TSHZ2: variants seen among roughly 807,000 people sequenced by gnomAD.
The protein encoded by TSHZ2 is teashirt homolog 2.
Under a neutral mutation model 74.4 loss-of-function variants are expected in TSHZ2, and 21 were observed. That is an observed-to-expected ratio of 0.28 (90% CI 0.20 to 0.41). The LOEUF is 0.41. Among genes scored for constraint, TSHZ2 ranks in the 10% least tolerant of loss-of-function variants. The pLI is 1.00. For synonymous variants in TSHZ2, 540 were observed against 515.3 expected (o/e 1.05, Z -0.65); for missense variants, 1,244 against 1,293.5 (o/e 0.96, Z 0.59).
chr20:53,263,120 T>G (rs891442017), intron 2 of TSHZ2, among the ~76,000 whole-genome samples: 1 of 152,248 alleles, frequency 6.6e-6, no homozygotes, highest in Non-Finnish European at 1.5e-5. Flanking sequence ...TCCATGGGGC[T>G]GATTCTATAC....
chr20:53,085,478 A>C (rs1985671695), intron 1 of TSHZ2, among the ~76,000 whole-genome samples: 1 of 152,188 alleles, frequency 6.6e-6, no homozygotes, highest in South Asian at 2.1e-4. Flanking sequence ...CAGTGGGGAA[A>C]CACACCGAGG....
In TSHZ2 at chr20:53,315,271, A is replaced by G. The variant is rs576563346; in HGVS notation, c.*8+58700A>G. On this transcript the variant is annotated intron_variant, in intron 2 of 2. Transcript: ENST00000371497. ...GCCTAATCATTTTCTTAAGTAGTGT[A>G]GATTTGGTAAATAACACTTTTCCTC... is the stretch of plus-strand genomic sequence containing the variant. Among the ~76,000 whole-genome samples, 4 of 152,370 alleles carry G rather than the reference A, an allele frequency of 2.6e-5. No homozygotes were observed. In the East Asian group the frequency reaches 7.7e-4, roughly 29 times the overall value.
intron 1 of TSHZ2, among the ~76,000 whole-genome samples, chr20:52,975,264 T>C (rs1981287405): frequency 6.6e-6 from 1 of 152,136 alleles, no homozygotes; most frequent in Admixed American, 6.5e-5. Flanking sequence ...TTTTTTTTTC[T>C]GGTTGTTCCG....
chr20:53,145,712 G>C (rs1357901807), intron 1 of TSHZ2, among the ~76,000 whole-genome samples: 1 of 152,172 alleles, frequency 6.6e-6, no homozygotes, highest in Admixed American at 6.5e-5. Context: ...TTATTCTCCA[G>C]CATTTCCAGC....
At chr20:53,015,424 A>G (rs761284165) in intron 1 of TSHZ2, among the ~76,000 whole-genome samples, 1 of 152,094 alleles carries the variant, frequency 6.6e-6, no homozygotes, top group Non-Finnish European at 1.5e-5. Flanking sequence ...AGATGCTGCC[A>G]AACGTTCTAC....
chr20:53,061,186 C>A (rs766634365), intron 1 of TSHZ2, among the ~76,000 whole-genome samples: 6 of 152,064 alleles, frequency 3.9e-5, no homozygotes, highest in Non-Finnish European at 5.9e-5. Context: ...ATTTTGAACG[C>A]CAGAAATGAC....
intron 2 of TSHZ2, among the ~76,000 whole-genome samples, chr20:53,381,478 G>A (rs539388428): frequency 7.2e-5 from 11 of 152,246 alleles, no homozygotes; most frequent in African/African-American, 2.6e-4. Flanking sequence ...CCCTGGTAAG[G>A]AAACAAGCAA....
chr20:53,260,538 G>C (rs1990581751), intron 2 of TSHZ2, among the ~76,000 whole-genome samples: 1 of 152,192 alleles, frequency 6.6e-6, no homozygotes, highest in Non-Finnish European at 1.5e-5. Context: ...GCACACAGGA[G>C]GTGGCTCTGC....
In TSHZ2 at chr20:53,255,625, T is replaced by G. The variant is rs758817293; in HGVS notation, c.2167T>G (p.Ser723Ala). 1 of 1,577,920 alleles carries G rather than the reference T, an allele frequency of 6.3e-7. No homozygotes were observed. The highest frequency in any genetic ancestry group is 8.6e-7 in the Non-Finnish European group (1 of 1,162,998). ...LRSPSCSSPSSSTISMFHKSN... is the reference protein window; with the variant it reads ...LRSPSCSSPSASTISMFHKSN... ...CTCACCTTCCTGCTCCAGCCCAAGT[T>G]CAAGCACAATTTCCATGTTCCACAA... The change falls in exon 2 of 3, where the codon TCA becomes GCA. Residue 723 changes from serine to alanine, a missense_variant. By Grantham distance (99) the Ser-to-Ala change is moderately conservative. This residue lies in a region of TSHZ2 where 562 missense variants were observed against 544.0 expected (regional missense o/e 1.03). Coordinates refer to ENST00000371497, the MANE Select transcript of TSHZ2 (RefSeq NM_173485.6). This position sits in a 1 kb window ranked among gnomAD's most constrained non-coding sequence, Gnocchi z 4.1.
At position 53,255,622 on chromosome 20, in the gene TSHZ2, A is replaced by G; in HGVS notation, c.2164A>G (p.Ser722Gly). Residue 722 changes from serine to glycine, a missense_variant, in exon 2 of 3, where the codon AGT becomes GGT. Around this residue, in one of 6 missense-constraint regions of TSHZ2, gnomAD observed 562 missense variants for 544.0 expected, o/e 1.03. Transcript: ENST00000371497. This position sits in a 1 kb window ranked among gnomAD's most constrained non-coding sequence, Gnocchi z 4.1. The part of the protein sequence containing the change: ...PLRSPSCSSP[S>G]SSTISMFHKS... ...GCGCTCACCTTCCTGCTCCAGCCCA[A>G]GTTCAAGCACAATTTCCATGTTCCA... 6.3e-7 allele frequency: 1 copy of G among 1,581,348 alleles called. No homozygotes were observed. The highest frequency in any genetic ancestry group is 8.6e-7 in the Non-Finnish European group (1 of 1,164,144).
At chr20:53,388,043 C>T (rs1050145606) in intron 2 of TSHZ2, among the ~76,000 whole-genome samples, 1 of 141,168 alleles carries the variant, frequency 7.1e-6, no homozygotes, top group Admixed American at 7.4e-5. Context: ...AGCGAGACTC[C>T]ATCTCTACAA....
intron 2 of TSHZ2, among the ~76,000 whole-genome samples, chr20:53,445,697 T>G (rs1409988890): frequency 6.6e-6 from 1 of 152,146 alleles, no homozygotes; most frequent in Non-Finnish European, 1.5e-5. Context: ...GCTGGAACTG[T>G]GCAAACTGGC....
intron 2 of TSHZ2, among the ~76,000 whole-genome samples, chr20:53,383,615 G>T (rs1324005795): frequency 6.6e-6 from 1 of 151,978 alleles, no homozygotes; most frequent in Non-Finnish European, 1.5e-5. Context: ...AATAAAATTA[G>T]CTGGGCATGT....
intron 2 of TSHZ2, among the ~76,000 whole-genome samples, chr20:53,439,869 G>C (rs936111804): frequency 6.6e-6 from 1 of 152,164 alleles, no homozygotes; most frequent in Non-Finnish European, 1.5e-5. Context: ...ATACATAACA[G>C]TGCCTAACCA....
chr20:53,101,355 A>T (rs1258935480), intron 1 of TSHZ2, among the ~76,000 whole-genome samples: 1 of 152,138 alleles, frequency 6.6e-6, no homozygotes, highest in African/African-American at 2.4e-5. Flanking sequence ...AGGAGGGGGG[A>T]GTGATAGTTC....
intron 2 of TSHZ2, among the ~76,000 whole-genome samples, chr20:53,295,144 A>G (rs1187821101): frequency 6.6e-6 from 1 of 152,190 alleles, no homozygotes; most frequent in Non-Finnish European, 1.5e-5. Context: ...TCAACAACCC[A>G]GGTTCATGGA....
intron 1 of TSHZ2, among the ~76,000 whole-genome samples, chr20:53,182,933 A>C (rs1988517253): frequency 1.3e-5 from 2 of 152,234 alleles, no homozygotes; most frequent in Admixed American, 1.3e-4. Context: ...TAGATGGAAC[A>C]AATCTAATGA....
chr20:53,460,268 T>C (rs1985299658), intron 2 of TSHZ2, among the ~76,000 whole-genome samples: 1 of 152,106 alleles, frequency 6.6e-6, no homozygotes, highest in African/African-American at 2.4e-5. Context: ...TTTTATTCTT[T>C]TTTCTCTAAA....
At chr20:53,465,035 T>A (rs567127918) in intron 2 of TSHZ2, among the ~76,000 whole-genome samples, 2 of 152,250 alleles carry the variant, frequency 1.3e-5, no homozygotes, top group Admixed American at 6.5e-5. Context: ...GGGTTCCCCA[T>A]AACATACTTC....
Sources: gnomAD v4.1 joint callset for allele counts (sites outside exome capture counted in the v4.1 genomes callset) on GRCh38, gnomAD v4.1.1 for gene constraint, gnomAD v4.1.1 regional missense constraint, Gnocchi (gnomAD v3.1) non-coding constraint, MANE v1.5 for transcripts, NCBI Gene and HGNC (gene_info 2026-07-23, HGNC 2026-07-21) for gene names.